The following DIAPH2 variants were observed in gnomAD, a reference collection of about 807,000 sequenced individuals.
DIAPH2 encodes the protein diaphanous related formin 2.
Under a neutral mutation model 92.7 loss-of-function variants are expected in DIAPH2, and 35 were observed. The ratio of observed to expected loss-of-function variants is 0.38; its 90% CI spans 0.29 to 0.50. DIAPH2 has a LOEUF of 0.50. Among genes scored for constraint, DIAPH2 ranks in the 20% least tolerant of loss-of-function variants. The pLI, the probability that DIAPH2 is intolerant of heterozygous loss-of-function variation, is 0.94. For missense variants in DIAPH2, 701 were observed against 819.5 expected (o/e 0.86, Z 1.77); for synonymous variants, 301 against 280.4 (o/e 1.07, Z -0.73).
intron 22 of DIAPH2, among the ~76,000 whole-genome samples, chrX:97,151,127 A>G (rs1319775620): frequency 1.8e-5 from 2 of 111,570 alleles, no homozygotes; most frequent in Non-Finnish European, 3.8e-5. Context: ...CATGATTGGA[A>G]TGGAATATGT....
chrX:97,118,705 G>A (rs1348308529), intron 21 of DIAPH2, among the ~76,000 whole-genome samples: 1 of 111,710 alleles, frequency 9.0e-6, no homozygotes, highest in African/African-American at 3.3e-5. Flanking sequence ...ACTGAGATTA[G>A]CAGTAGTTCA....
At chrX:97,142,197 C>T (rs938450233) in intron 22 of DIAPH2, among the ~76,000 whole-genome samples, 11 of 111,257 alleles carry the variant, frequency 9.9e-5, no homozygotes, top group Non-Finnish European at 1.9e-4. Flanking sequence ...TATATACATA[C>T]ACACAAATGT....
intron 22 of DIAPH2, among the ~76,000 whole-genome samples, chrX:97,194,671 G>C (rs2067687175): frequency 9.0e-6 from 1 of 111,238 alleles, no homozygotes; most frequent in South Asian, 3.9e-4. Flanking sequence ...GAGAGGGGAG[G>C]GGAGAAAATA....
At position 97,163,283 on chromosome X, in the gene DIAPH2, A is replaced by C. The variant is rs188822858; in HGVS notation, c.2719+21489A>C. On this transcript the variant is annotated intron_variant, in intron 22 of 26. Coordinates refer to ENST00000324765, the MANE Select transcript of DIAPH2 (RefSeq NM_006729.5). ...CCCCCCTGGTCTCAAGAGATCCTCT[A>C]CCCTTCAGCAACTGCCCCCACCCCT... is the stretch of plus-strand genomic sequence containing the variant. 8.4e-3 allele frequency among the ~76,000 whole-genome samples: 929 copies of C among 110,336 alleles called. 14 individuals are homozygous for C. Among genetic ancestry groups the C allele is most frequent in the African/African-American group, 0.029 (887 of 30,325 alleles).
chrX:97,256,376 T>G (rs12557545), intron 23 of DIAPH2, among the ~76,000 whole-genome samples: 48,492 of 110,856 alleles, frequency 0.44, 9,109 homozygotes, highest in Non-Finnish European at 0.6. Flanking sequence ...GATTTAAAAT[T>G]TGGTAAAAGT....
chrX:97,271,813 G>GCGCACA (rs1556014792), intron 23 of DIAPH2, among the ~76,000 whole-genome samples: 1 of 91,542 alleles, frequency 1.1e-5, no homozygotes, highest in Non-Finnish European at 2.1e-5. Flanking sequence ...ATATATATAT[G>GCGCACA]CACACACACA....
intron 17 of DIAPH2, among the ~76,000 whole-genome samples, chrX:96,972,733 G>A (rs747900780): frequency 1.8e-5 from 2 of 111,184 alleles, no homozygotes; most frequent in African/African-American, 6.5e-5. Flanking sequence ...AGTATAATTA[G>A]AGTTGGGACT....
chrX:96,888,838 G>A (rs1374378520), intron 5 of DIAPH2, among the ~76,000 whole-genome samples: 1 of 106,939 alleles, frequency 9.4e-6, no homozygotes, highest in Non-Finnish European at 1.9e-5. Flanking sequence ...TATTAAAGTT[G>A]CATGCCCAGC....
intron 1 of DIAPH2, among the ~76,000 whole-genome samples, chrX:96,713,025 T>G (rs1335771772): frequency 1.8e-5 from 2 of 111,097 alleles, no homozygotes; most frequent in Non-Finnish European, 3.8e-5. Flanking sequence ...TCTGGCTATC[T>G]ACTATGAAGA....
At chrX:97,231,380 G>A (rs1474826940) in intron 22 of DIAPH2, among the ~76,000 whole-genome samples, 1 of 109,323 alleles carries the variant, frequency 9.1e-6, no homozygotes, top group African/African-American at 3.3e-5. Flanking sequence ...TTAACATCTG[G>A]ATGTACTGTT....
At chrX:97,366,534 G>T (rs2069383102) in intron 24 of DIAPH2, among the ~76,000 whole-genome samples, 1 of 111,630 alleles carries the variant, frequency 9.0e-6, no homozygotes, top group Non-Finnish European at 1.9e-5. Context: ...CCTCTCATTT[G>T]TCAGCCTTTG....
At chrX:97,253,773 A>T (rs182023706) in intron 23 of DIAPH2, among the ~76,000 whole-genome samples, 173 of 97,020 alleles carry the variant, frequency 1.8e-3, no homozygotes, top group African/African-American at 7.5e-3. Flanking sequence ...AAATAATAAT[A>T]AAAAAAACAG....
chrX:97,350,166 C>T (rs111499318), intron 24 of DIAPH2, among the ~76,000 whole-genome samples: 33,878 of 108,859 alleles, frequency 0.31, 4,727 homozygotes, highest in East Asian at 0.64. Context: ...AAAAATTAGC[C>T]GGTCGTGGTG....
chrX:96,752,006 A>G (rs1383716177), intron 3 of DIAPH2, among the ~76,000 whole-genome samples: 1 of 111,790 alleles, frequency 8.9e-6, no homozygotes, highest in Non-Finnish European at 1.9e-5. Context: ...CATGTATTAT[A>G]GATATATCAA....
chrX:96,948,557 G>A (rs930969853), intron 14 of DIAPH2, among the ~76,000 whole-genome samples: 5 of 111,882 alleles, frequency 4.5e-5, no homozygotes, highest in African/African-American at 1.3e-4. Flanking sequence ...TGGGTGACAC[G>A]AGTGAAACTC....
intron 22 of DIAPH2, among the ~76,000 whole-genome samples, chrX:97,166,440 T>C (rs2067413318): frequency 8.9e-6 from 1 of 111,901 alleles, no homozygotes; most frequent in African/African-American, 3.2e-5. Context: ...TGCGAATACC[T>C]ATTTTTTGAA....
intron 26 of DIAPH2, among the ~76,000 whole-genome samples, chrX:97,508,170 A>G (rs984801378): frequency 9.0e-6 from 1 of 111,287 alleles, no homozygotes; most frequent in Non-Finnish European, 1.9e-5. Flanking sequence ...GAGATGTGAG[A>G]TCTAAAAAAA....
intron 26 of DIAPH2, among the ~76,000 whole-genome samples, chrX:97,445,499 C>T (rs918758243): frequency 9.0e-6 from 1 of 110,831 alleles, no homozygotes; most frequent in Non-Finnish European, 1.9e-5. Context: ...CTCACTGCAA[C>T]CTCTGTCCCC....
intron 26 of DIAPH2, among the ~76,000 whole-genome samples, chrX:97,467,656 A>G (rs2070525046): frequency 8.9e-6 from 1 of 112,042 alleles, no homozygotes; most frequent in Admixed American, 9.5e-5. Context: ...AAACTTTAAA[A>G]TATTTTTCAC....
Sources: gnomAD v4.1 joint callset for allele counts (sites outside exome capture counted in the v4.1 genomes callset) on GRCh38, gnomAD v4.1.1 for gene constraint, MANE v1.5 for transcripts, NCBI Gene and HGNC (gene_info 2026-07-23, HGNC 2026-07-21) for gene names.